INPP5A: variants seen among roughly 807,000 people sequenced by gnomAD.
INPP5A encodes the protein inositol polyphosphate-5-phosphatase A, also known as 43 kDa inositol polyphosphate 5-phophatase.
Under a neutral mutation model 65.2 loss-of-function variants are expected in INPP5A, and 14 were observed. The observed-to-expected ratio is 0.21, with a 90% confidence interval of 0.14 to 0.34. The LOEUF (loss-of-function observed/expected upper bound fraction) is 0.34. INPP5A is among the 10% of genes least tolerant of loss of function. The pLI, the probability that INPP5A is intolerant of heterozygous loss-of-function variation, is 1.00. For missense variants in INPP5A, 431 were observed against 545.6 expected (o/e 0.79, Z 2.09); for synonymous variants, 207 against 208.3 (o/e 0.99, Z 0.05).
chr10:132,682,181 A>AGGTGG (rs2073056992), intron 4 of INPP5A, among the ~76,000 whole-genome samples: 1 of 106,188 alleles, frequency 9.4e-6, no homozygotes, highest in Non-Finnish European at 2.4e-5. Context: ...AGCGTCCTGG[A>AGGTGG]GATGGGAAGG....
rs1411873780 is a variant in INPP5A, at chr10:132,546,015, G to C, written c.75+7844G>C. The stretch of plus-strand genomic sequence containing the variant: ...AGTGGCTCTGGAGGAGCGTCCACCA[G>C]GTCCTGCTTGTGTACGGGGGCCGGC... On this transcript the variant is annotated intron_variant, in intron 1 of 15. Coordinates refer to ENST00000368594, the MANE Select transcript of INPP5A (RefSeq NM_005539.5). The surrounding 1 kb of genome is among the most constrained non-coding windows in gnomAD (Gnocchi z 5.7). 1.3e-5 allele frequency among the ~76,000 whole-genome samples: 2 copies of C among 152,246 alleles called. No individual in the cohort carries two copies. The highest frequency in any genetic ancestry group is 4.8e-5 in the African/African-American group (2 of 41,472).
chr10:132,617,164 G>A (rs902670824), intron 2 of INPP5A, among the ~76,000 whole-genome samples: 2 of 152,114 alleles, frequency 1.3e-5, no homozygotes, highest in African/African-American at 2.4e-5. Flanking sequence ...TCCCAGTGAC[G>A]AGCTGAGGTG....
chr10:132,678,264 G>A lies in INPP5A; in HGVS notation c.307-12128G>A, dbSNP rs2072995277. ...TGAGGACGCCGCCTTGTCCAGTTGG[G>A]TCAGCCGCCCATGAGTTCATTATAC... On this transcript the variant is annotated intron_variant, in intron 4 of 15. Coordinates refer to ENST00000368594, the MANE Select transcript of INPP5A (RefSeq NM_005539.5). This position sits in a 1 kb window ranked among gnomAD's most constrained non-coding sequence, Gnocchi z 4.1. Among the ~76,000 whole-genome samples the A allele has an allele frequency of 6.6e-6, 1 of 152,202 alleles. No individual in the cohort carries two copies. Among genetic ancestry groups the A allele is most frequent in the Admixed American group, 6.5e-5 (1 of 15,290 alleles).
rs961394699 is a variant in INPP5A at position 132,727,461 on chromosome 10, G to A, written c.732+556G>A. 1 of 152,304 alleles carries A rather than the reference G, an allele frequency of 6.6e-6. No homozygotes were observed. Among genetic ancestry groups the A allele is most frequent in the Non-Finnish European group, 1.5e-5 (1 of 68,168 alleles). The allele number at this position is 152,304 out of a possible 1,614,324, so 9.4% of individuals were successfully genotyped here. A position where few individuals can be genotyped will look rare whatever the true frequency, so the allele number is the denominator to read the frequency against. ...CCAGGGTGCTCCTGGGTGTGCTTTC[G>A]GGCTGGCCGGGGACCAGCAGCTTGG... On this transcript the variant is annotated intron_variant, in intron 9 of 15. Coordinates refer to ENST00000368594, the MANE Select transcript of INPP5A (RefSeq NM_005539.5). This position sits in a 1 kb window ranked among gnomAD's most constrained non-coding sequence, Gnocchi z 6.5.
Position 132,581,845 on chromosome 10 carries a change from C to CT in INPP5A, c.76-26060dup, listed in dbSNP as rs915378828. ...AGTCTGTGGCTTGCCTGTTCATTTT[C>CT]TTTTTTTTTTGAGACAGAGTCTTGC... is the stretch of plus-strand genomic sequence containing the variant. On this transcript the variant is annotated intron_variant, in intron 1 of 15. Coordinates refer to ENST00000368594, the MANE Select transcript of INPP5A (RefSeq NM_005539.5). 2.1e-3 allele frequency among the ~76,000 whole-genome samples: 315 copies of CT among 148,076 alleles called. 5 individuals are homozygous for CT. Among genetic ancestry groups the CT allele is most frequent in the South Asian group, 3.6e-3 (17 of 4,670 alleles).
In INPP5A at chr10:132,782,168, G is replaced by A. The variant is rs1006163096; in HGVS notation, c.*139G>A. On this transcript the variant is annotated 3_prime_UTR_variant, in exon 16 of 16. Coordinates refer to ENST00000368594, the MANE Select transcript of INPP5A (RefSeq NM_005539.5). The surrounding 1 kb of genome is among the most constrained non-coding windows in gnomAD (Gnocchi z 4.4). ...TGCTAGACGGCCAGCCCCACACTTC[G>A]CTTCAGCCTCCGGACCATTCCGGAG... 16 of 1,420,826 alleles carry A rather than the reference G, an allele frequency of 1.1e-5. No homozygotes were observed. The highest frequency in any genetic ancestry group is 1.0e-4 in the African/African-American group (7 of 70,188). 88.0% of individuals were successfully genotyped at this position (1,420,826 alleles called of 1,614,324 possible).
At chr10:132,693,231 G>T (rs1845296375) in intron 5 of INPP5A, among the ~76,000 whole-genome samples, 1 of 152,142 alleles carries the variant, frequency 6.6e-6, no homozygotes, top group Non-Finnish European at 1.5e-5. Flanking sequence ...AGCCAGAGAA[G>T]GCAGATAAAG....
At chr10:132,633,419 G>GT (rs547090548) in intron 2 of INPP5A, among the ~76,000 whole-genome samples, 227 of 152,296 alleles carry the variant, frequency 1.5e-3, no homozygotes, top group South Asian at 5.6e-3. Flanking sequence ...GCCTTGTGCA[G>GT]TGACTAAATC....
chr10:132,553,652 A>G (rs1166418764), intron 1 of INPP5A, among the ~76,000 whole-genome samples: 1 of 141,184 alleles, frequency 7.1e-6, no homozygotes. Context: ...ATTGAGTAGG[A>G]TAGGGAGGGA....
chr10:132,730,175 T>G (rs1383202639), intron 9 of INPP5A, among the ~76,000 whole-genome samples: 2 of 152,244 alleles, frequency 1.3e-5, no homozygotes, highest in African/African-American at 2.4e-5. Context: ...CCACCTGCCC[T>G]GTCCTCAGCC....
rs1845503187 is a variant in INPP5A, at chr10:132,704,614, C to T, written c.475-3699C>T. Among the ~76,000 whole-genome samples, 1 of 152,250 alleles carries T rather than the reference C, an allele frequency of 6.6e-6. No individual in the cohort carries two copies. Among genetic ancestry groups the T allele is most frequent in the Non-Finnish European group, 1.5e-5 (1 of 68,048 alleles). On this transcript the variant is annotated intron_variant, in intron 6 of 15. Transcript: ENST00000368594. This position sits in a 1 kb window ranked among gnomAD's most constrained non-coding sequence, Gnocchi z 4.5. Reference sequence around the variant, plus strand: ...CAGCCTGGCAGTCCTGTCTTACCCACTGCCTTGAGGCCCTGGGTGCTGCTG... The same window carrying T: ...CAGCCTGGCAGTCCTGTCTTACCCATTGCCTTGAGGCCCTGGGTGCTGCTG...
rs141707602 is a variant in INPP5A, at chr10:132,726,334, G to A, written c.648-487G>A. Among the ~76,000 whole-genome samples, 307 of 152,330 alleles carry A rather than the reference G, an allele frequency of 2.0e-3. 1 individual carries two copies. Among genetic ancestry groups the A allele is most frequent in the African/African-American group, 5.7e-3 (239 of 41,586 alleles). On this transcript the variant is annotated intron_variant, in intron 8 of 15. Transcript: ENST00000368594. Reference sequence around the variant, plus strand: ...GAGAGCGGGGGCTCCGGTTCCTGCCGGTTCACCTGCACGCGCCTCCCCGTC... The same window carrying A: ...GAGAGCGGGGGCTCCGGTTCCTGCCAGTTCACCTGCACGCGCCTCCCCGTC...
At chr10:132,633,183 G>A (rs544202107) in intron 2 of INPP5A, among the ~76,000 whole-genome samples, 1 of 152,306 alleles carries the variant, frequency 6.6e-6, no homozygotes, top group East Asian at 1.9e-4. Context: ...AGCTTCAGTA[G>A]TGAGCTCCCG....
chr10:132,762,210 C>A lies in INPP5A; in HGVS notation c.904-3563C>A, dbSNP rs757944767. ...GAGGGGCACACTGGAGAGTCAATGGCTGGGCGTTTTCCAGAATTATCCAAG... is the reference window on the plus strand; with the variant it reads ...GAGGGGCACACTGGAGAGTCAATGGATGGGCGTTTTCCAGAATTATCCAAG... On this transcript the variant is annotated intron_variant, in intron 11 of 15. Transcript: ENST00000368594. The surrounding 1 kb of genome is among the most constrained non-coding windows in gnomAD (Gnocchi z 4.6). 6.6e-6 allele frequency among the ~76,000 whole-genome samples: 1 copy of A among 152,174 alleles called. No homozygotes were observed. Among genetic ancestry groups the A allele is most frequent in the Non-Finnish European group, 1.5e-5 (1 of 68,032 alleles).
chr10:132,646,260 C>T (rs1042523681), intron 3 of INPP5A, among the ~76,000 whole-genome samples: 4 of 152,152 alleles, frequency 2.6e-5, no homozygotes, highest in Admixed American at 6.5e-5. Flanking sequence ...GAGCCGTCTC[C>T]GTGTGTGTGT....
At chr10:132,626,599 G>A (rs1205002345) in intron 2 of INPP5A, among the ~76,000 whole-genome samples, 1 of 152,238 alleles carries the variant, frequency 6.6e-6, no homozygotes, top group Admixed American at 6.5e-5. Context: ...CTTTCTCTCT[G>A]TTCTGAAGTG....
intron 6 of INPP5A, 104 bp from the exon 7 acceptor site, chr10:132,708,209 T>G (rs112466073): frequency 1.0e-6 from 1 of 1,004,208 alleles, no homozygotes; most frequent in African/African-American, 1.6e-5. Flanking sequence ...GCCCTGCTGT[T>G]TTTTGTTTGG....
intron 1 of INPP5A, among the ~76,000 whole-genome samples, chr10:132,564,507 C>A (rs531749448): frequency 9.8e-4 from 149 of 152,252 alleles, no homozygotes; most frequent in African/African-American, 3.4e-3. Flanking sequence ...TCAGAGTCAC[C>A]GGCCCAGGGC....
At position 132,753,291 on chromosome 10, in the gene INPP5A, C is replaced by T. The variant is rs1017757037; in HGVS notation, c.903+3446C>T. 6.6e-6 allele frequency among the ~76,000 whole-genome samples: 1 copy of T among 152,104 alleles called. No homozygotes were observed. ...GGGAGATAATCCCATCTCCACGGTCCGGTTAAACACACAGCACCGCAGCCA... is the reference window on the plus strand; with the variant it reads ...GGGAGATAATCCCATCTCCACGGTCTGGTTAAACACACAGCACCGCAGCCA... On this transcript the variant is annotated intron_variant, in intron 11 of 15. Coordinates refer to ENST00000368594, the MANE Select transcript of INPP5A (RefSeq NM_005539.5). The surrounding 1 kb of genome is among the most constrained non-coding windows in gnomAD (Gnocchi z 5.3).
Sources: allele counts gnomAD v4.1 joint callset (sites outside exome capture counted in the v4.1 genomes callset), GRCh38; gene constraint gnomAD v4.1.1; non-coding constraint Gnocchi (gnomAD v3.1); transcripts MANE v1.5; gene names NCBI Gene and HGNC (gene_info 2026-07-23, HGNC 2026-07-21).